The following NOP9 variants were observed in gnomAD, a reference collection of about 807,000 sequenced individuals.
NOP9 encodes NOP9 nucleolar protein, also known as nucleolar protein 9.
A neutral mutation model predicts 63.0 loss-of-function variants in NOP9; 50 were observed. The observed-to-expected ratio is 0.79, with a 90% CI of 0.63 to 1.00. The LOEUF (loss-of-function observed/expected upper bound fraction) is 1.00, where lower values mean the gene tolerates loss of function less well. Ranked by LOEUF, NOP9 falls within the 50% of genes least tolerant of loss-of-function variation. The pLI is 0.00. For missense variants in NOP9, 758 were observed against 803.0 expected (o/e 0.94, Z 0.68); for synonymous variants, 343 against 332.8 (o/e 1.03, Z -0.33).
intron 9 of NOP9, 41 bp downstream of exon 9, chr14:24,304,639 C>T (rs755050248): frequency 4.9e-6 from 7 of 1,428,994 alleles, no homozygotes; most frequent in African/African-American, 1.4e-5. Context: ...CAGACTCTCC[C>T]CTCTCTTACT....
At chr14:24,296,931 C>CA (rs770959458), upstream of NOP9, 1 of 1,609,140 alleles carries the variant, frequency 6.2e-7, no homozygotes, top group African/African-American at 1.3e-5. Flanking sequence ...GGGTGTGAGT[C>CA]ATGACAAAAC....
At chr14:24,297,023 G>A (rs1363700534), upstream of NOP9, 14 of 1,110,908 alleles carry the variant, frequency 1.3e-5, no homozygotes, top group East Asian at 2.6e-5. Flanking sequence ...GGCAGGCAAC[G>A]CTGCCCTCTG....
chr14:24,277,639 G>C, the NOP9 span, among the ~76,000 whole-genome samples: 1 of 152,246 alleles, frequency 6.6e-6, no homozygotes, highest in South Asian at 2.1e-4. Flanking sequence ...AGGCCGCACA[G>C]CCAGAAGCAA....
In NOP9 at chr14:24,300,084, G is replaced by C; in HGVS notation, c.130G>C (p.Asp44His). 3 of 1,613,154 alleles carry C rather than the reference G, an allele frequency of 1.9e-6. No homozygotes were observed. The highest frequency in any genetic ancestry group is 2.5e-6 in the Non-Finnish European group (3 of 1,179,832). Residue 44 changes from aspartate (D) to histidine (H), a missense_variant, in exon 1 of 10, where the codon GAT becomes CAT. By Grantham distance (81) the Asp-to-His change is moderately conservative. Transcript: ENST00000267425. ...TAAGCGGCAACCCTGGCCGCCTCCG[G>C]ATGGGCGCTCGGAGCCGGCTCCAGA... ...GRKRQPWPPPDGRSEPAPDSH... is the reference protein window; with the variant it reads ...GRKRQPWPPPHGRSEPAPDSH...
chr14:24,276,093 C>T, the NOP9 span, among the ~76,000 whole-genome samples: 3 of 151,830 alleles, frequency 2.0e-5, no homozygotes, highest in South Asian at 6.2e-4. Flanking sequence ...TTTTTGGCCA[C>T]GGGCCAGCTG....
chr14:24,304,223 G>T lies in NOP9; in HGVS notation c.1593G>T (p.Leu531=). Residue 531 remains leucine, a synonymous_variant, in exon 8 of 10, where the codon CTG becomes CTT. Transcript: ENST00000267425. ...GCTCTCATGTGCTCGATGCCATCCTGACCAGCCCCTCTGTGACGCGCAAGC... is the reference window on the plus strand; with the variant it reads ...GCTCTCATGTGCTCGATGCCATCCTTACCAGCCCCTCTGTGACGCGCAAGC... ...PAGSHVLDAI[L]TSPSVTRKLR... The T allele has an allele frequency of 6.2e-7, 1 of 1,614,150 alleles. No individual in the cohort carries two copies. Among genetic ancestry groups the T allele is most frequent in the South Asian group, 1.1e-5 (1 of 91,074 alleles).
At chr14:24,284,611 A>T in the NOP9 span, among the ~76,000 whole-genome samples, 22 of 152,094 alleles carry the variant, frequency 1.4e-4, no homozygotes, top group African/African-American at 9.7e-5. Context: ...GGGCTGCGGC[A>T]AAGGACTTCT....
At chr14:24,296,893 CA>C, upstream of NOP9, 9 of 1,614,146 alleles carry the variant, frequency 5.6e-6, no homozygotes, top group East Asian at 4.5e-5. Context: ...TGGAGTAGGA[CA>C]GGGGATATGA....
At chr14:24,296,766 A>G (rs920289946), upstream of NOP9, 6 of 1,614,108 alleles carry the variant, frequency 3.7e-6, no homozygotes, top group African/African-American at 5.3e-5. Context: ...ATTGTTGACC[A>G]GCACATCTAG....
chr14:24,302,031 T>G lies in NOP9; in HGVS notation c.875T>G (p.Leu292Arg). Reference sequence around the variant, plus strand: ...GCTTTACAGGTTTTACACCGCAAACTTCCCCAGTTTTGCGCTCATCTCTGC... The same window carrying G: ...GCTTTACAGGTTTTACACCGCAAACGTCCCCAGTTTTGCGCTCATCTCTGC... The part of the protein sequence containing the change: ...QVALQVLHRK[L>R]PQFCAHLCNA... Residue 292 changes from leucine (L) to arginine (R), a missense_variant, in exon 4 of 10, where the codon CTT becomes CGT. Leu to Arg is a moderately radical substitution (Grantham distance 102). Transcript: ENST00000267425. 6.2e-7 allele frequency: 1 copy of G among 1,613,986 alleles called. No homozygotes were observed. Among genetic ancestry groups the G allele is most frequent in the Middle Eastern group, 1.7e-4 (1 of 6,060 alleles).
rs889668057 is a variant in NOP9, at chr14:24,306,150, C to T, written c.*1055C>T. 12 of 1,610,462 alleles carry T rather than the reference C, an allele frequency of 7.5e-6. No homozygotes were observed. The highest frequency in any genetic ancestry group is 1.0e-5 in the Non-Finnish European group (12 of 1,177,818). On this transcript the variant is annotated 3_prime_UTR_variant, in exon 10 of 10. Transcript: ENST00000267425. ...ACAGCACTCCACTCTGTAGGACACC[C>T]TTGTCAGTGCAGTAGATCCTCATAC... is the stretch of plus-strand genomic sequence containing the variant.
chr14:24,292,571 C>T, the NOP9 span: 4 of 1,609,752 alleles, frequency 2.5e-6, no homozygotes, highest in Non-Finnish European at 3.4e-6. Context: ...ACCATTCTGA[C>T]CACTGGGGAT....
rs1411066464 is a variant in NOP9, at chr14:24,307,878, T to C, written c.*2783T>C. On this transcript the variant is annotated 3_prime_UTR_variant, in exon 10 of 10. Transcript: ENST00000267425. Reference sequence around the variant, plus strand: ...CTCCATGGTGGACCGGAGAGTTCCTTCCCTGGAACTTCTGGGCTGGGTGGT... The same window carrying C: ...CTCCATGGTGGACCGGAGAGTTCCTCCCCTGGAACTTCTGGGCTGGGTGGT... 6 of 1,577,418 alleles carry C rather than the reference T, an allele frequency of 3.8e-6. No homozygotes were observed. Among genetic ancestry groups the C allele is most frequent in the Non-Finnish European group, 4.3e-6 (5 of 1,160,220 alleles).
Position 24,306,148 on chromosome 14 carries a change from C to T in NOP9, c.*1053C>T, listed in dbSNP as rs768611310. On this transcript the variant is annotated 3_prime_UTR_variant, in exon 10 of 10. Transcript: ENST00000267425. ...TGACAGCACTCCACTCTGTAGGACA[C>T]CCTTGTCAGTGCAGTAGATCCTCAT... 10 of 1,611,180 alleles carry T rather than the reference C, an allele frequency of 6.2e-6. No individual in the cohort carries two copies. Among genetic ancestry groups the T allele is most frequent in the Non-Finnish European group, 8.5e-6 (10 of 1,178,334 alleles).
chr14:24,282,033 A>G, the NOP9 span, among the ~76,000 whole-genome samples: 1 of 152,216 alleles, frequency 6.6e-6, no homozygotes, highest in African/African-American at 2.4e-5. Flanking sequence ...CCCCGTCTCT[A>G]CTAAAAATAC....
chr14:24,299,281 G>A (rs2041323314), upstream of NOP9: 3 of 701,194 alleles, frequency 4.3e-6, no homozygotes, highest in Non-Finnish European at 6.9e-6. Flanking sequence ...GCTGACAACT[G>A]GGTGCGGGCC....
chr14:24,291,318 C>A, the NOP9 span: 1 of 1,286,466 alleles, frequency 7.8e-7, no homozygotes, highest in Non-Finnish European at 1.1e-6. Flanking sequence ...AGCCCTGGAG[C>A]TCAGGATCCC....
In NOP9 at chr14:24,305,989, A is replaced by G. The variant is rs1333625562; in HGVS notation, c.*894A>G. ...GCCAAGTCCTTGAAAGTCACAACTCATAGAGTAGAGCCCGTAGAATGTGGC... is the reference window on the plus strand; with the variant it reads ...GCCAAGTCCTTGAAAGTCACAACTCGTAGAGTAGAGCCCGTAGAATGTGGC... On this transcript the variant is annotated 3_prime_UTR_variant, in exon 10 of 10. Coordinates refer to ENST00000267425, the MANE Select transcript of NOP9 (RefSeq NM_174913.3). The G allele has an allele frequency of 1.9e-6, 3 of 1,613,960 alleles. No homozygotes were observed. Among genetic ancestry groups the G allele is most frequent in the South Asian group, 2.2e-5 (2 of 91,072 alleles).
upstream of NOP9, chr14:24,298,994 C>A: frequency 6.2e-7 from 1 of 1,613,268 alleles, no homozygotes; most frequent in Non-Finnish European, 8.5e-7. Context: ...CAGATGGCGG[C>A]CAGTGATGTA....
Sources: gnomAD v4.1 joint callset for allele counts (sites outside exome capture counted in the v4.1 genomes callset) on GRCh38, gnomAD v4.1.1 for gene constraint, MANE v1.5 for transcripts, NCBI Gene and HGNC (gene_info 2026-07-23, HGNC 2026-07-21) for gene names.